MTREX: variants seen among roughly 807,000 people sequenced by gnomAD.
MTREX encodes the protein Mtr4 exosome RNA helicase.
A neutral mutation model predicts 135.4 loss-of-function variants in MTREX; 76 were observed. The ratio of observed to expected loss-of-function variants is 0.56; its 90% CI spans 0.47 to 0.68. MTREX has a LOEUF of 0.68. MTREX is among the 30% of genes least tolerant of loss of function. MTREX has a pLI of 0.00. For missense variants in MTREX, 920 were observed against 1,262.1 expected (o/e 0.73, Z 4.11); for synonymous variants, 404 against 401.6 (o/e 1.01, Z -0.07).
At position 55,336,185 on chromosome 5, in the gene MTREX, G is replaced by A. The variant is rs191269892; in HGVS notation, c.516-3825G>A. On this transcript the variant is annotated intron_variant, in intron 5 of 26. Transcript: ENST00000230640. ...TTCTATATAGATGATAACATTGCCT[G>A]TGAAAAAAGATGGTTTTACTTCCTT... is the stretch of plus-strand genomic sequence containing the variant. Among the ~76,000 whole-genome samples the A allele has an allele frequency of 6.6e-5, 10 of 152,144 alleles. No homozygotes were observed. The East Asian group carries it at 1.5e-3, about 23-fold the overall frequency.
chr5:55,362,104 T>TTTTTC (rs1295248277), intron 15 of MTREX, among the ~76,000 whole-genome samples: 2 of 147,300 alleles, frequency 1.4e-5, no homozygotes, highest in African/African-American at 5.1e-5. Flanking sequence ...TTTTTTTTTT[T>TTTTTC]TGTATTTTTT....
rs900555109 is a variant in MTREX, at chr5:55,414,967, A to G, written c.2808+729A>G. Among the ~76,000 whole-genome samples, 6 of 152,206 alleles carry G rather than the reference A, an allele frequency of 3.9e-5. No homozygotes were observed. The South Asian group carries it at 1.2e-3, about 32-fold the overall frequency. ...GCCCAGCCTATAACAAAGTTTTAAA[A>G]TCTGTTTTATCATAAGAAATTGTCT... On this transcript the variant is annotated intron_variant, in intron 24 of 26. Transcript: ENST00000230640.
rs578143891 is a variant in MTREX at position 55,377,100 on chromosome 5, C to T, written c.1811-1214C>T. The stretch of plus-strand genomic sequence containing the variant: ...ATCCCAGCACTTTGGGAGGCCGAGG[C>T]GGGTGGATCATGAGGTCAGGAGATC... On this transcript the variant is annotated intron_variant, in intron 16 of 26. Coordinates refer to ENST00000230640, the MANE Select transcript of MTREX (RefSeq NM_015360.5). Among the ~76,000 whole-genome samples, 9 of 151,922 alleles carry T rather than the reference C, an allele frequency of 5.9e-5. No individual in the cohort carries two copies. In the East Asian group the frequency reaches 7.8e-4, roughly 13 times the overall value.
chr5:55,323,415 T>C (rs970239291), intron 2 of MTREX, among the ~76,000 whole-genome samples: 1 of 152,036 alleles, frequency 6.6e-6, no homozygotes, highest in African/African-American at 2.4e-5. Context: ...AGGATTTTGA[T>C]GAGAATAAGG....
Position 55,362,881 on chromosome 5 carries a change from G to A in MTREX, c.1660-3844G>A, listed in dbSNP as rs142346863. Among the ~76,000 whole-genome samples the A allele has an allele frequency of 7.1e-3, 1,085 of 152,136 alleles. 14 individuals are homozygous for A. Among genetic ancestry groups the A allele is most frequent in the African/African-American group, 0.025 (1,033 of 41,488 alleles). Reference sequence around the variant, plus strand: ...GAAGAAATACATGCTCCAATATAGTGCCCATATTTTCCAAAGAATGTAAAA... The same window carrying A: ...GAAGAAATACATGCTCCAATATAGTACCCATATTTTCCAAAGAATGTAAAA... On this transcript the variant is annotated intron_variant, in intron 15 of 26. Transcript: ENST00000230640.
Position 55,410,216 on chromosome 5 carries a change from C to G in MTREX, c.2646-308C>G, listed in dbSNP as rs575973166. Among the ~76,000 whole-genome samples, 5 of 152,020 alleles carry G rather than the reference C, an allele frequency of 3.3e-5. No homozygotes were observed. The South Asian group carries it at 1.0e-3, about 32-fold the overall frequency. On this transcript the variant is annotated intron_variant, in intron 22 of 26. Transcript: ENST00000230640. The stretch of plus-strand genomic sequence containing the variant: ...AAATAATTAAAAGAGTCCTTTGGCC[C>G]TAGAAAATAAATGACAGTGATGATT...
chr5:55,327,159 C>T (rs1173562384), intron 3 of MTREX, among the ~76,000 whole-genome samples: 1 of 152,126 alleles, frequency 6.6e-6, no homozygotes, highest in East Asian at 1.9e-4. Flanking sequence ...AATGAATATA[C>T]GTATGCATGT....
In MTREX at chr5:55,400,278, A is replaced by G. The variant is rs769407978; in HGVS notation, c.2338A>G (p.Ile780Val). Residue 780 changes from isoleucine (I) to valine (V), a missense_variant, in exon 21 of 27, where the codon ATT (isoleucine) becomes GTT (valine). Around this residue, in one of 6 missense-constraint regions of MTREX, gnomAD observed 467 missense variants for 589.7 expected, o/e 0.79. Coordinates refer to ENST00000230640, the MANE Select transcript of MTREX (RefSeq NM_015360.5). Reference sequence around the variant, plus strand: ...TGACGGCATCCCCTTATTAGACCCTATTGATGATATGGGCATTCAAGATCA... The same window carrying G: ...TGACGGCATCCCCTTATTAGACCCTGTTGATGATATGGGCATTCAAGATCA... Reference protein sequence around the residue: ...FPDGIPLLDPIDDMGIQDQGL... With the variant: ...FPDGIPLLDPVDDMGIQDQGL... 6 of 1,612,022 alleles carry G rather than the reference A, an allele frequency of 3.7e-6. No homozygotes were observed. Among genetic ancestry groups the G allele is most frequent in the East Asian group, 2.2e-5 (1 of 44,822 alleles).
chr5:55,310,726 G>C (rs1749098853), intron 1 of MTREX, among the ~76,000 whole-genome samples: 1 of 152,186 alleles, frequency 6.6e-6, no homozygotes, highest in African/African-American at 2.4e-5. Flanking sequence ...GAACTTCAGA[G>C]GAACTTGCCC....
intron 18 of MTREX, among the ~76,000 whole-genome samples, chr5:55,379,613 CAGAG>C (rs1750361994): frequency 1.3e-5 from 2 of 151,700 alleles, no homozygotes; most frequent in African/African-American, 4.9e-5. Context: ...CACACACACT[CAGAG>C]AGACACATGC....
intron 16 of MTREX, among the ~76,000 whole-genome samples, chr5:55,377,224 G>C (rs1003906911): frequency 2.0e-5 from 3 of 152,176 alleles, no homozygotes; most frequent in Non-Finnish European, 4.4e-5. Context: ...CTACTCGGGA[G>C]GCTGAAGCAG....
chr5:55,372,892 A>ATATGTGTG (rs71600873), intron 16 of MTREX, among the ~76,000 whole-genome samples: 1 of 120,914 alleles, frequency 8.3e-6, no homozygotes, highest in Admixed American at 8.5e-5. Flanking sequence ...TAAAACTGTA[A>ATATGTGTG]TGTGTGTGTG....
chr5:55,331,846 C>T (rs1225288085), intron 5 of MTREX, among the ~76,000 whole-genome samples: 1 of 152,014 alleles, frequency 6.6e-6, no homozygotes, highest in South Asian at 2.1e-4. Context: ...TCTCTTGGGG[C>T]GTACTGTTCT....
chr5:55,332,369 T>G (rs1749492158), intron 5 of MTREX, among the ~76,000 whole-genome samples: 1 of 152,170 alleles, frequency 6.6e-6, no homozygotes, highest in Non-Finnish European at 1.5e-5. Flanking sequence ...TAACAGGGGA[T>G]ACCTAAAGAG....
chr5:55,323,007 A>T (rs1579848227), intron 2 of MTREX, among the ~76,000 whole-genome samples: 1 of 152,182 alleles, frequency 6.6e-6, no homozygotes, highest in East Asian at 1.9e-4. Flanking sequence ...TGTGGTAATG[A>T]TCTTTACAAC....
chr5:55,388,206 C>A, intron 19 of MTREX, 104 bp downstream of exon 19: 2 of 1,009,130 alleles, frequency 2.0e-6, no homozygotes, highest in Non-Finnish European at 2.7e-6. Flanking sequence ...ATCATGATTT[C>A]TAAATTAGAA....
At chr5:55,406,278 G>A (rs1750803827) in intron 22 of MTREX, among the ~76,000 whole-genome samples, 2 of 152,176 alleles carry the variant, frequency 1.3e-5, no homozygotes, top group South Asian at 2.1e-4. Context: ...TGTCCCCCAG[G>A]ATTGCCGTCA....
At chr5:55,351,691 T>G (rs1403898142) in intron 13 of MTREX, among the ~76,000 whole-genome samples, 2 of 152,160 alleles carry the variant, frequency 1.3e-5, no homozygotes, top group African/African-American at 4.8e-5. Flanking sequence ...TGGTTAGACT[T>G]AGGAAAGAGA....
chr5:55,362,996 A>C (rs979915920), intron 15 of MTREX, among the ~76,000 whole-genome samples: 2 of 152,210 alleles, frequency 1.3e-5, no homozygotes, highest in African/African-American at 4.8e-5. Flanking sequence ...TAAACATACT[A>C]GTTACTTAGA....
Sources: gnomAD v4.1 joint callset for allele counts (sites outside exome capture counted in the v4.1 genomes callset) on GRCh38, gnomAD v4.1.1 for gene constraint, gnomAD v4.1.1 regional missense constraint, MANE v1.5 for transcripts, NCBI Gene and HGNC (gene_info 2026-07-23, HGNC 2026-07-21) for gene names.